The following FAM53A variants were observed in gnomAD, a reference collection of about 807,000 sequenced individuals.
FAM53A encodes the protein family with sequence similarity 53 member A, also known as protein FAM53A.
In FAM53A, 28 loss-of-function variants were observed where a neutral mutation model predicts 26.6. The observed-to-expected ratio is 1.05, with a 90% CI of 0.78 to 1.45. The LOEUF (loss-of-function observed/expected upper bound fraction) is 1.45, where lower values mean the gene tolerates loss of function less well. Ranked by LOEUF, FAM53A falls within the 40% of genes most tolerant of loss-of-function variation. FAM53A has a pLI of 0.00. For synonymous variants in FAM53A, 290 were observed against 253.1 expected (o/e 1.15, Z -1.38); for missense variants, 650 against 575.8 (o/e 1.13, Z -1.32).
intron 3 of FAM53A, among the ~76,000 whole-genome samples, chr4:1,656,338 C>T (rs1223042989): frequency 1.3e-5 from 2 of 152,202 alleles, no homozygotes; most frequent in South Asian, 2.1e-4. Context: ...CCTGCTGGTT[C>T]GGAGAAGCCT....
chr4:1,676,195 C>T (rs1715029720), intron 1 of FAM53A, among the ~76,000 whole-genome samples: 1 of 152,178 alleles, frequency 6.6e-6, no homozygotes, highest in African/African-American at 2.4e-5. Context: ...AGTCCAGGAC[C>T]AAGACGCCAG....
In FAM53A at chr4:1,655,117, G is replaced by C. The variant is rs760575958; in HGVS notation, c.743C>G (p.Ala248Gly). ...WASSSPTSTP[A>G]LGGRRGLLRC... Reference sequence around the variant, plus strand: ...GAGCAGCCCACGGCGCCCGCCCAGCGCAGGCGTGGACGTGGGGCTGCTGCT... The same window carrying C: ...GAGCAGCCCACGGCGCCCGCCCAGCCCAGGCGTGGACGTGGGGCTGCTGCT... The change falls in exon 4 of 5, where the codon GCG becomes GGG. Residue 248 changes from alanine (A) to glycine (G), a missense_variant. By Grantham distance (60) the Ala-to-Gly change is moderately conservative (BLOSUM62 0). Transcript: ENST00000308132. 1.3e-6 allele frequency: 2 copies of C among 1,597,890 alleles called. No individual in the cohort carries two copies. The highest frequency in any genetic ancestry group is 1.7e-5 in the Admixed American group (1 of 58,574).
At chr4:1,631,938 G>T (rs1715626970) in intron 1 of FAM53A, among the ~76,000 whole-genome samples, 1 of 152,150 alleles carries the variant, frequency 6.6e-6, no homozygotes, top group East Asian at 1.9e-4. Context: ...CAAGATGGGT[G>T]GATCACTTGA....
At chr4:1,683,369 T>G (rs946714804) in intron 1 of FAM53A, 4 of 152,198 alleles carry the variant, frequency 2.6e-5, no homozygotes, top group African/African-American at 9.7e-5. Flanking sequence ...CAGGTTAAAT[T>G]TCTTAAATAT....
At chr4:1,662,076 C>T (rs1029349503) in intron 2 of FAM53A, among the ~76,000 whole-genome samples, 1 of 152,104 alleles carries the variant, frequency 6.6e-6, no homozygotes, top group Non-Finnish European at 1.5e-5. Flanking sequence ...CACCTGTAAT[C>T]CCTGCATTTT....
At chr4:1,683,516 C>T (rs1715599951) in intron 1 of FAM53A, 1 of 152,224 alleles carries the variant, frequency 6.6e-6, no homozygotes, top group South Asian at 2.1e-4. Flanking sequence ...AAACTCACTC[C>T]CTTGGCACCA....
the FAM53A span, among the ~76,000 whole-genome samples, chr4:1,578,663 C>A: frequency 6.7e-6 from 1 of 149,720 alleles, no homozygotes; most frequent in Non-Finnish European, 1.5e-5. Flanking sequence ...GACCCCCCTA[C>A]CCCGAACCGC....
the FAM53A span, among the ~76,000 whole-genome samples, chr4:1,585,836 C>A: frequency 6.6e-6 from 1 of 152,106 alleles, no homozygotes; most frequent in Non-Finnish European, 1.5e-5. Flanking sequence ...GTGATCCTCC[C>A]ACCTTGGCCT....
At chr4:1,629,198 C>T (rs1715499228) in intron 1 of FAM53A, among the ~76,000 whole-genome samples, 1 of 152,048 alleles carries the variant, frequency 6.6e-6, no homozygotes, top group Non-Finnish European at 1.5e-5. Flanking sequence ...GGAGGGAGCC[C>T]CATCCCCACC....
intron 1 of FAM53A, among the ~76,000 whole-genome samples, chr4:1,620,122 G>A (rs980804854): frequency 1.7e-4 from 26 of 151,660 alleles, no homozygotes; most frequent in Admixed American, 3.9e-4. Context: ...CAGGAGAATC[G>A]CTTAAACCTG....
At chr4:1,661,187 G>A (rs1163100190) in intron 2 of FAM53A, among the ~76,000 whole-genome samples, 1 of 152,122 alleles carries the variant, frequency 6.6e-6, no homozygotes, top group Non-Finnish European at 1.5e-5. Context: ...ACTCCTGAGA[G>A]TCAGATCCCA....
chr4:1,660,894 CTA>C (rs1713783921), intron 2 of FAM53A, among the ~76,000 whole-genome samples: 1 of 151,288 alleles, frequency 6.6e-6, no homozygotes, highest in Admixed American at 6.6e-5. Context: ...AAAAAAAAAA[CTA>C]AAAGTTTTTT....
the FAM53A span, among the ~76,000 whole-genome samples, chr4:1,605,738 G>A: frequency 6.6e-6 from 1 of 152,268 alleles, no homozygotes; most frequent in South Asian, 2.1e-4. The surrounding 1 kb of genome is among the most constrained non-coding windows in gnomAD (Gnocchi z 5.7). Context: ...GGCACCTGCA[G>A]GCACCGCCCG....
intron 4 of FAM53A, chr4:1,644,474 C>A: frequency 3.4e-6 from 4 of 1,160,528 alleles, no homozygotes; most frequent in Non-Finnish European, 4.7e-6. Context: ...CCACACGGAA[C>A]TGAAGGGGCC....
chr4:1,599,809 G>A, the FAM53A span, among the ~76,000 whole-genome samples: 12 of 152,328 alleles, frequency 7.9e-5, no homozygotes, highest in African/African-American at 2.6e-4. The surrounding 1 kb of genome is among the most constrained non-coding windows in gnomAD (Gnocchi z 6.1). Context: ...CAGGCACTCC[G>A]AGTCCCAGTG....
chr4:1,633,925 ACTTCCTG>A (rs1715724022), intron 1 of FAM53A, among the ~76,000 whole-genome samples: 1 of 152,182 alleles, frequency 6.6e-6, no homozygotes, highest in Non-Finnish European at 1.5e-5. Flanking sequence ...ACAGGACCTC[ACTTCCTG>A]TTCAGCACCA....
Position 1,668,750 on chromosome 4 carries a change from C to G in FAM53A, c.-9G>C, listed in dbSNP as rs765794290. ...GTGATGAGTGTGACCATGGTCGGGG[C>G]CCCGTGTCCTCCGTCCACACCAACA... On this transcript the variant is annotated 5_prime_UTR_variant, in exon 2 of 5. Coordinates refer to ENST00000308132, the MANE Select transcript of FAM53A (RefSeq NM_001174070.3). The G allele has an allele frequency of 6.2e-7, 1 of 1,613,942 alleles. No individual in the cohort carries two copies. The highest frequency in any genetic ancestry group is 8.5e-7 in the Non-Finnish European group (1 of 1,179,978).
intron 1 of FAM53A, among the ~76,000 whole-genome samples, chr4:1,682,875 TAAGA>T (rs893912852): frequency 1.3e-5 from 2 of 152,200 alleles, no homozygotes; most frequent in Non-Finnish European, 2.9e-5. Context: ...ACGTGCAATC[TAAGA>T]AACATAAGGA....
chr4:1,624,212 A>C (rs1715180466), intron 1 of FAM53A, among the ~76,000 whole-genome samples: 1 of 152,222 alleles, frequency 6.6e-6, no homozygotes, highest in South Asian at 2.1e-4. Flanking sequence ...CCTGGGCCTC[A>C]TCTTGTCTGT....
Sources: gnomAD v4.1 joint callset for allele counts (sites outside exome capture counted in the v4.1 genomes callset) on GRCh38, gnomAD v4.1.1 for gene constraint, Gnocchi (gnomAD v3.1) non-coding constraint, MANE v1.5 for transcripts, NCBI Gene and HGNC (gene_info 2026-07-23, HGNC 2026-07-21) for gene names.